The following CTSC variants were observed in gnomAD, a reference collection of about 807,000 sequenced individuals.
CTSC encodes cathepsin C, also known as dipeptidyl peptidase 1.
In CTSC, 37 loss-of-function variants were observed where a neutral mutation model predicts 40.9. The observed-to-expected ratio is 0.91, with a 90% CI of 0.70 to 1.19. The LOEUF is 1.19. CTSC is among the 50% of genes most tolerant of loss of function. The pLI is 0.00. For missense variants in CTSC, 594 were observed against 567.3 expected, an observed-to-expected ratio of 1.05 and a Z score of -0.48; for synonymous variants, 232 against 207.4, an observed-to-expected ratio of 1.12 and a Z score of -1.02.
chr11:88,322,766 G>C (rs1198480537), intron 2 of CTSC: 10 of 152,276 alleles, frequency 6.6e-5, no homozygotes, highest in Admixed American at 5.2e-4. Flanking sequence ...ATGAAAGTGA[G>C]GCAGTAATAA....
At chr11:88,330,884 T>C (rs566375003) in intron 2 of CTSC, among the ~76,000 whole-genome samples, 37 of 152,306 alleles carry the variant, frequency 2.4e-4, no homozygotes, top group African/African-American at 8.9e-4. Flanking sequence ...AAGCCCTGAA[T>C]AAACAGAACT....
chr11:88,333,108 T>A (rs886924710), intron 2 of CTSC, among the ~76,000 whole-genome samples: 1 of 152,194 alleles, frequency 6.6e-6, no homozygotes, highest in Non-Finnish European at 1.5e-5. Context: ...GGACTACTAT[T>A]TAAGCTAAGA....
Position 88,319,809 on chromosome 11 carries a change from C to T in CTSC, c.319-7255G>A, listed in dbSNP as rs1360625277. Among the ~76,000 whole-genome samples, 6 of 152,202 alleles carry T rather than the reference C, an allele frequency of 3.9e-5. No homozygotes were observed. In the South Asian group the frequency reaches 1.2e-3, roughly 32 times the overall value. On this transcript the variant is annotated intron_variant, in intron 2 of 6. Coordinates refer to ENST00000227266, the MANE Select transcript of CTSC (RefSeq NM_001814.6). ...ATTTAGACATCCAAGTCTAATCCAT[C>T]AAGATGATTTGTAATTTTGAAAAGA...
chr11:88,314,718 G>A (rs573657549), intron 2 of CTSC, among the ~76,000 whole-genome samples: 4 of 152,220 alleles, frequency 2.6e-5, no homozygotes, highest in East Asian at 1.9e-4. Flanking sequence ...AGTAGAGATA[G>A]GGTTTCACCA....
intron 2 of CTSC, among the ~76,000 whole-genome samples, chr11:88,319,557 A>G (rs1338478711): frequency 6.6e-6 from 1 of 152,102 alleles, no homozygotes; most frequent in Non-Finnish European, 1.5e-5. Flanking sequence ...AGTAACAGGG[A>G]CTCTAACATT....
Position 88,300,468 on chromosome 11 carries a change from G to A in CTSC, c.757+62C>T, listed in dbSNP as rs549117611. The A allele has an allele frequency of 2.0e-4, 199 of 1,004,990 alleles. No individual in the cohort carries two copies. The South Asian group carries it at 2.5e-3, about 12-fold the overall frequency. 62.3% of individuals were successfully genotyped at this position (1,004,990 alleles called of 1,614,324 possible). On this transcript the variant is annotated intron_variant, in intron 5 of 6. Transcript: ENST00000227266. The stretch of plus-strand genomic sequence containing the variant: ...AGGTATCCCCGAAATCCATCACACA[G>A]AGCAACTGTTCAATAAATAGTTCCA...
intron 2 of CTSC, among the ~76,000 whole-genome samples, chr11:88,313,817 G>A (rs966840135): frequency 2.0e-5 from 3 of 152,128 alleles, no homozygotes; most frequent in African/African-American, 7.2e-5. Context: ...AATCCTCAAA[G>A]GTATAAACAT....
intron 2 of CTSC, among the ~76,000 whole-genome samples, chr11:88,331,294 C>G (rs1938349086): frequency 6.6e-6 from 1 of 152,200 alleles, no homozygotes; most frequent in Non-Finnish European, 1.5e-5. Context: ...ACACCAGTCT[C>G]AAGTCCAGGC....
At chr11:88,326,802 C>A (rs1227234315) in intron 2 of CTSC, among the ~76,000 whole-genome samples, 1 of 152,230 alleles carries the variant, frequency 6.6e-6, no homozygotes, top group African/African-American at 2.4e-5. Flanking sequence ...AGGCTCAGTG[C>A]TGCCTGAATC....
At position 88,294,400 on chromosome 11, in the gene CTSC, A is replaced by T; in HGVS notation, c.998T>A (p.Met333Lys). The T allele has an allele frequency of 6.2e-7, 1 of 1,614,098 alleles. No homozygotes were observed. Among genetic ancestry groups the T allele is most frequent in the Non-Finnish European group, 8.5e-7 (1 of 1,180,014 alleles). The change falls in exon 7 of 7, where the codon ATG becomes AAG. Residue 333 changes from methionine to lysine, a missense_variant. Met to Lys is a moderately conservative substitution (Grantham distance 95, BLOSUM62 -1). Coordinates refer to ENST00000227266, the MANE Select transcript of CTSC (RefSeq NM_001814.6). ...PYTGTDSPCK[M>K]KEDCFRYYSS... is the part of the protein sequence containing the mutation. ...GTAATAACGAAAGCAGTCTTCCTTC[A>T]TTTTGCATGGAGAATCAGTGCCTGT...
chr11:88,328,169 A>C, intron 2 of CTSC: 1 of 1,613,560 alleles, frequency 6.2e-7, no homozygotes, highest in Non-Finnish European at 8.5e-7. Context: ...AGCTGCATGA[A>C]CAAATGACTG....
intron 2 of CTSC, among the ~76,000 whole-genome samples, chr11:88,326,603 A>T (rs1938198999): frequency 6.6e-6 from 1 of 152,336 alleles, no homozygotes; most frequent in Middle Eastern, 3.4e-3. Flanking sequence ...TTCACAGGAA[A>T]GATGCCATTC....
Position 88,294,489 on chromosome 11 carries a change from T to C in CTSC, c.909A>G (p.Pro303=). ...GGGCGTACTTTCCTGCAATAAGGTA[T>C]GGGAAGCCGCCTTCACAGCCTGAAG... The part of the protein sequence containing the change: ...QYAQGCEGGF[P]YLIAGKYAQD... The change falls in exon 7 of 7, where the codon CCA becomes CCG. Residue 303 remains proline (P), a synonymous_variant. Coordinates refer to ENST00000227266, the MANE Select transcript of CTSC (RefSeq NM_001814.6). 1.2e-6 allele frequency: 2 copies of C among 1,614,136 alleles called. No individual in the cohort carries two copies. The highest frequency in any genetic ancestry group is 1.3e-5 in the African/African-American group (1 of 75,052).
intron 2 of CTSC, chr11:88,324,437 T>C: frequency 1.0e-6 from 1 of 980,078 alleles, no homozygotes; most frequent in Non-Finnish European, 1.2e-6. Context: ...GATAATATTC[T>C]TTAGAGCAGG....
At chr11:88,301,141 G>T (rs1045081565) in intron 4 of CTSC, among the ~76,000 whole-genome samples, 1 of 152,102 alleles carries the variant, frequency 6.6e-6, no homozygotes, top group East Asian at 1.9e-4. Context: ...TCTGGAGGCA[G>T]GGAACATAAG....
chr11:88,294,589 T>C (rs771095863), intron 6 of CTSC, 81 bp from the exon 7 acceptor site: 1 of 1,506,130 alleles, frequency 6.6e-7, no homozygotes, highest in Non-Finnish European at 9.1e-7. Context: ...TTTGCTCCAT[T>C]ATTCTTTGCA....
At position 88,327,015 on chromosome 11, in the gene CTSC, A is replaced by C. The variant is rs555382208; in HGVS notation, c.318+7922T>G. On this transcript the variant is annotated intron_variant, in intron 2 of 6. Coordinates refer to ENST00000227266, the MANE Select transcript of CTSC (RefSeq NM_001814.6). ...CTATCTGGGAAAAGTTTCCTATTGC[A>C]TCTTCCTCCTAAGCTACCACCATAC... 1.8e-4 allele frequency among the ~76,000 whole-genome samples: 28 copies of C among 152,300 alleles called. No homozygotes were observed. The South Asian group carries it at 5.4e-3, about 29-fold the overall frequency.
At position 88,294,075 on chromosome 11, in the gene CTSC, G is replaced by A. The variant is rs372847740; in HGVS notation, c.1323C>T (p.Ile441=). Residue 441 remains isoleucine (I), a synonymous_variant, in exon 7 of 7, where the codon ATC becomes ATT. Coordinates refer to ENST00000227266, the MANE Select transcript of CTSC (RefSeq NM_001814.6). ...TTGCACACTCATCAGTTCCTCTGCG[G>A]ATCCGGAAGTAGCCATTCTCACCCC... ...TGWGENGYFR[I]RRGTDECAIE... The A allele has an allele frequency of 6.2e-7, 1 of 1,613,890 alleles. No homozygotes were observed. Among genetic ancestry groups the A allele is most frequent in the African/African-American group, 1.3e-5 (1 of 74,884 alleles).
In CTSC at chr11:88,312,459, G is replaced by A. The variant is rs375899934; in HGVS notation, c.414C>T (p.Thr138=). Residue 138 remains threonine (T), a synonymous_variant, in exon 3 of 7, where the codon ACC becomes ACT. Coordinates refer to ENST00000227266, the MANE Select transcript of CTSC (RefSeq NM_001814.6). The stretch of plus-strand genomic sequence containing the variant: ...CAGAGGCAGTTCCCACCTTCTTTCC[G>A]GTGAAACAAGCCCAGTTCCGGCCCA... ...DVLGRNWACF[T]GKKVGTASEN... is the part of the protein sequence containing the mutation. The A allele has an allele frequency of 3.8e-5, 61 of 1,613,984 alleles. No homozygotes were observed. Among genetic ancestry groups the A allele is most frequent in the East Asian group, 1.1e-4 (5 of 44,892 alleles).
Sources: gnomAD v4.1 joint callset for allele counts (sites outside exome capture counted in the v4.1 genomes callset) on GRCh38, gnomAD v4.1.1 for gene constraint, MANE v1.5 for transcripts, NCBI Gene and HGNC (gene_info 2026-07-23, HGNC 2026-07-21) for gene names.